Variants in NBEA observed in about 807,000 individuals in gnomAD.
The protein encoded by NBEA is lysosomal-trafficking regulator 2.
In NBEA, 44 loss-of-function variants were observed where a neutral mutation model predicts 343.4. That is an observed-to-expected ratio of 0.13 (90% CI 0.10 to 0.16). The LOEUF (loss-of-function observed/expected upper bound fraction) is 0.16. NBEA is among the 10% of genes least tolerant of loss of function. The pLI, the probability that NBEA is intolerant of heterozygous loss-of-function variation, is 1.00. For synonymous variants in NBEA, 1,175 were observed against 1,238.7 expected, an observed-to-expected ratio of 0.95 and a Z score of 1.08; for missense variants, 2,555 against 3,631.3, an observed-to-expected ratio of 0.70 and a Z score of 7.62.
chr13:35,455,155 T>TA (rs1325566472), intron 40 of NBEA, among the ~76,000 whole-genome samples: 4 of 152,112 alleles, frequency 2.6e-5, no homozygotes, highest in South Asian at 2.1e-4. Flanking sequence ...TTTATAATTG[T>TA]AAAGGTAAAC....
At chr13:35,361,438 A>T (rs2040800670) in intron 38 of NBEA, among the ~76,000 whole-genome samples, 1 of 152,116 alleles carries the variant, frequency 6.6e-6, no homozygotes, top group Non-Finnish European at 1.5e-5. Context: ...AATGTAGTGG[A>T]GAAATGATAA....
At chr13:35,331,627 T>G (rs546935814) in intron 36 of NBEA, among the ~76,000 whole-genome samples, 91 of 152,184 alleles carry the variant, frequency 6.0e-4, no homozygotes, top group Non-Finnish European at 2.2e-4. Flanking sequence ...GACATGCATT[T>G]AAAAGATAAC....
At chr13:35,320,655 G>A (rs986200705) in intron 36 of NBEA, among the ~76,000 whole-genome samples, 9 of 152,116 alleles carry the variant, frequency 5.9e-5, no homozygotes, top group African/African-American at 2.2e-4. Flanking sequence ...TTGCTAGGTT[G>A]GGGAAGTTCT....
intron 12 of NBEA, 132 bp downstream of exon 12, chr13:35,109,574 A>G: frequency 1.3e-6 from 1 of 753,940 alleles, no homozygotes; most frequent in Non-Finnish European, 1.9e-6. Flanking sequence ...CAATTGTGTT[A>G]GGCAGTATCA....
At chr13:35,454,289 A>G (rs540637885) in intron 40 of NBEA, among the ~76,000 whole-genome samples, 14 of 152,352 alleles carry the variant, frequency 9.2e-5, no homozygotes, top group African/African-American at 3.4e-4. Flanking sequence ...GACTAACATA[A>G]TAGTTACAAT....
In NBEA at chr13:35,159,965, A is replaced by C; in HGVS notation, c.3794A>C (p.Glu1265Ala). 1 of 1,595,758 alleles carries C rather than the reference A, an allele frequency of 6.3e-7. No homozygotes were observed. The highest frequency in any genetic ancestry group is 1.1e-5 in the South Asian group (1 of 87,772). The change falls in exon 22 of 59, where the codon GAA (glutamate) becomes GCA (alanine). Residue 1265 changes from glutamate (E) to alanine (A), a missense_variant. Physicochemically the swap from Glu to Ala is moderately radical, Grantham distance 107 (BLOSUM62 -1). Transcript: ENST00000379939. ...GCAGGAAGTATAATTTCAGATACTG[A>C]AAGGTCTGACGATGGCAAAGAATCA... is the stretch of plus-strand genomic sequence containing the variant. ...IDAGSIISDT[E>A]RSDDGKESGK... is the part of the protein sequence containing the mutation.
intron 17 of NBEA, among the ~76,000 whole-genome samples, chr13:35,137,603 C>T (rs2067814410): frequency 6.6e-6 from 1 of 151,922 alleles, no homozygotes; most frequent in East Asian, 1.9e-4. Context: ...GTATGAGTTT[C>T]TTCTATCCTT....
At chr13:35,593,195 T>TCC in intron 46 of NBEA, 133 bp from the exon 47 acceptor site, 1 of 924,576 alleles carries the variant, frequency 1.1e-6, no homozygotes, top group Non-Finnish European at 1.5e-6. Flanking sequence ...ACTGCCTTAA[T>TCC]TTGGGGGCAT....
intron 41 of NBEA, among the ~76,000 whole-genome samples, chr13:35,539,915 C>CAAAAAAAAAA (rs71081262): frequency 0.046 from 1,811 of 39,542 alleles, 429 homozygotes; most frequent in Non-Finnish European, 0.057. Flanking sequence ...GACTCCGTCT[C>CAAAAAAAAAA]AAAAAAAAAA....
chr13:35,320,437 G>A (rs1319304198), intron 36 of NBEA, among the ~76,000 whole-genome samples: 1 of 152,172 alleles, frequency 6.6e-6, no homozygotes, highest in Non-Finnish European at 1.5e-5. Context: ...ACTCTCTTCT[G>A]GCTTGTAGGG....
intron 34 of NBEA, 117 bp downstream of exon 34, chr13:35,232,736 C>A: frequency 1.4e-6 from 1 of 739,862 alleles, no homozygotes; most frequent in African/African-American, 1.8e-5. Context: ...CATTACTTCA[C>A]AAATTCTAAT....
intron 31 of NBEA, among the ~76,000 whole-genome samples, chr13:35,201,991 T>G (rs1455535588): frequency 6.6e-6 from 1 of 152,110 alleles, no homozygotes; most frequent in Non-Finnish European, 1.5e-5. Flanking sequence ...CTGAAATAAT[T>G]CTTGTTATTT....
In NBEA at chr13:35,668,361, T is replaced by C. The variant is rs1455942868; in HGVS notation, c.8662-7T>C. 6.3e-7 allele frequency: 1 copy of C among 1,587,902 alleles called. No homozygotes were observed. The highest frequency in any genetic ancestry group is 8.6e-7 in the Non-Finnish European group (1 of 1,166,488). ...TTTTTTGTTTGTTTGTTTTACCTTT[T>C]CTGAAGGCCATTCTCCTGAGCAGTG... On this transcript the variant is annotated splice_region_variant and splice_polypyrimidine_tract_variant and intron_variant, in intron 57 of 58. Transcript: ENST00000379939.
chr13:35,109,469 G>A (rs1327633594), intron 12 of NBEA, 27 bp downstream of exon 12: 1 of 1,559,424 alleles, frequency 6.4e-7, no homozygotes, highest in South Asian at 1.2e-5. Flanking sequence ...TATTCAGTTT[G>A]ATTTAGTGTA....
chr13:35,130,009 G>C (rs1036663703), intron 17 of NBEA, among the ~76,000 whole-genome samples: 4 of 152,136 alleles, frequency 2.6e-5, no homozygotes, highest in African/African-American at 4.8e-5. Context: ...CTGATGAATA[G>C]AGTGATGATT....
At chr13:35,475,265 C>T in intron 41 of NBEA, 1 of 1,614,004 alleles carries the variant, frequency 6.2e-7, no homozygotes, top group Non-Finnish European at 8.5e-7. Context: ...CAAGACTCGT[C>T]CCAGTCCGAC....
intron 44 of NBEA, among the ~76,000 whole-genome samples, chr13:35,556,561 G>A (rs1318386156): frequency 6.6e-6 from 1 of 151,256 alleles, no homozygotes; most frequent in Non-Finnish European, 1.5e-5. Flanking sequence ...CTGGCTTTAC[G>A]AATGCTTTTT....
intron 1 of NBEA, among the ~76,000 whole-genome samples, chr13:34,948,327 T>C (rs2059250713): frequency 6.6e-6 from 1 of 150,962 alleles, no homozygotes; most frequent in African/African-American, 2.4e-5. Context: ...AACCCAAGGG[T>C]AGCGAGCCAG....
Position 35,257,191 on chromosome 13 carries a change from T to C in NBEA, c.5776+24572T>C, listed in dbSNP as rs549854505. On this transcript the variant is annotated intron_variant, in intron 34 of 58. Transcript: ENST00000379939. ...TCTGTTAAAGAGCATGGCAGCTTGA[T>C]AGAATTATAGTAGTAAAGTGGATAA... Among the ~76,000 whole-genome samples the C allele has an allele frequency of 2.8e-3, 433 of 152,382 alleles. 2 individuals carry two copies. The highest frequency in any genetic ancestry group is 8.9e-3 in the African/African-American group (371 of 41,592).
Sources: allele counts gnomAD v4.1 joint callset (sites outside exome capture counted in the v4.1 genomes callset), GRCh38; gene constraint gnomAD v4.1.1; transcripts MANE v1.5; gene names NCBI Gene and HGNC (gene_info 2026-07-23, HGNC 2026-07-21).